Variants in TNR observed in about 807,000 individuals in gnomAD.
The protein encoded by TNR is tenascin R, also known as tenascin-R.
TNR carries 45 observed loss-of-function variants against 150.4 expected under a neutral mutation model. The observed-to-expected ratio is 0.30, with a 90% confidence interval of 0.24 to 0.38. The LOEUF (loss-of-function observed/expected upper bound fraction) is 0.38, where lower values mean the gene tolerates loss of function less well. Among genes scored for constraint, TNR ranks in the 10% least tolerant of loss-of-function variants. The pLI is 1.00. For missense variants in TNR, 1,544 were observed against 1,759.1 expected (o/e 0.88, Z 2.19); for synonymous variants, 687 against 678.4 (o/e 1.01, Z -0.20).
At chr1:175,709,987 GGGATTT>G (rs1197746243) in intron 1 of TNR, among the ~76,000 whole-genome samples, 3 of 152,064 alleles carry the variant, frequency 2.0e-5, no homozygotes, top group African/African-American at 4.8e-5. Flanking sequence ...AGCCACGTTA[GGGATTT>G]GGTAGATTAT....
chr1:175,404,354 G>C (rs770423939), intron 3 of TNR, among the ~76,000 whole-genome samples: 4 of 152,116 alleles, frequency 2.6e-5, no homozygotes, highest in Non-Finnish European at 5.9e-5. Context: ...TCAAAACCCA[G>C]CTCCATGGTT....
intron 2 of TNR, among the ~76,000 whole-genome samples, chr1:175,520,103 T>C (rs1334399159): frequency 6.6e-6 from 1 of 152,192 alleles, no homozygotes; most frequent in East Asian, 1.9e-4. Context: ...AAACATAAAG[T>C]AATCAAAAAG....
At chr1:175,405,376 T>C (rs1300091730) in intron 3 of TNR, among the ~76,000 whole-genome samples, 1 of 152,170 alleles carries the variant, frequency 6.6e-6, no homozygotes, top group Non-Finnish European at 1.5e-5. Context: ...ACTGCTTAGG[T>C]CATCAGCTAG....
chr1:175,457,899 T>C (rs750809100), intron 2 of TNR, among the ~76,000 whole-genome samples: 4 of 152,218 alleles, frequency 2.6e-5, no homozygotes, highest in Non-Finnish European at 4.4e-5. Flanking sequence ...AAAATTGATA[T>C]CATAAAAGCC....
intron 2 of TNR, among the ~76,000 whole-genome samples, chr1:175,510,754 T>A (rs1571542197): frequency 6.6e-6 from 1 of 152,142 alleles, no homozygotes; most frequent in East Asian, 1.9e-4. Context: ...AGGAGTTGGG[T>A]GCATTTATCT....
intron 2 of TNR, among the ~76,000 whole-genome samples, chr1:175,492,396 A>T (rs1304081184): frequency 2.0e-5 from 3 of 152,194 alleles, no homozygotes; most frequent in Non-Finnish European, 4.4e-5. Context: ...TTACAAAATG[A>T]TTTCTTCTGG....
At chr1:175,636,462 C>A (rs528262592) in intron 1 of TNR, among the ~76,000 whole-genome samples, 32 of 152,196 alleles carry the variant, frequency 2.1e-4, no homozygotes, top group African/African-American at 7.5e-4. Context: ...CCTGAGAAGC[C>A]CCTGACATCC....
intron 2 of TNR, among the ~76,000 whole-genome samples, chr1:175,440,776 C>A (rs899802539): frequency 6.6e-6 from 1 of 152,110 alleles, no homozygotes; most frequent in Non-Finnish European, 1.5e-5. Flanking sequence ...AGTCTGAGGA[C>A]TGAGAGCTGA....
intron 1 of TNR, among the ~76,000 whole-genome samples, chr1:175,592,072 G>A (rs1044570481): frequency 3.9e-5 from 6 of 152,140 alleles, no homozygotes; most frequent in Non-Finnish European, 8.8e-5. Flanking sequence ...GCATCATGTA[G>A]TGATCCTGAC....
intron 2 of TNR, among the ~76,000 whole-genome samples, chr1:175,455,596 G>T (rs1329106701): frequency 6.6e-6 from 1 of 152,198 alleles, no homozygotes; most frequent in Non-Finnish European, 1.5e-5. Context: ...GAGGATTTGG[G>T]ACTGTGGGAC....
At chr1:175,362,548 G>T in intron 14 of TNR, 115 bp downstream of exon 14, 1 of 1,327,058 alleles carries the variant, frequency 7.5e-7, no homozygotes, top group Non-Finnish European at 1.0e-6. Flanking sequence ...ACAGTGAGTT[G>T]GAGGAGCACC....
intron 1 of TNR, chr1:175,538,718 A>G (rs984483771): frequency 6.6e-6 from 1 of 152,168 alleles, no homozygotes. Context: ...TTGACTACCA[A>G]CGATACCCCT....
At chr1:175,514,487 G>C (rs983293123) in intron 2 of TNR, among the ~76,000 whole-genome samples, 2 of 152,200 alleles carry the variant, frequency 1.3e-5, no homozygotes, top group East Asian at 3.9e-4. Context: ...GTGGTCATCT[G>C]TTATGGCATC....
At chr1:175,336,357 C>T (rs930045407) in intron 19 of TNR, among the ~76,000 whole-genome samples, 2 of 152,192 alleles carry the variant, frequency 1.3e-5, no homozygotes, top group Admixed American at 6.5e-5. Flanking sequence ...GAAGGAGGCA[C>T]ACATATGTCA....
intron 2 of TNR, among the ~76,000 whole-genome samples, chr1:175,423,674 C>T (rs950828247): frequency 6.6e-6 from 1 of 152,240 alleles, no homozygotes; most frequent in South Asian, 2.1e-4. Context: ...CACCTGGATA[C>T]AGCAGCTGGA....
intron 1 of TNR, among the ~76,000 whole-genome samples, chr1:175,677,686 G>A (rs1355882797): frequency 2.0e-5 from 3 of 152,196 alleles, no homozygotes; most frequent in Non-Finnish European, 4.4e-5. Flanking sequence ...TGTGGCAATG[G>A]CAGGCTCAGG....
chr1:175,670,780 C>T (rs1030573235), intron 1 of TNR, among the ~76,000 whole-genome samples: 3 of 152,132 alleles, frequency 2.0e-5, no homozygotes, highest in African/African-American at 7.2e-5. Context: ...ACGGGAGGGT[C>T]GGATGGACCT....
In TNR at chr1:175,370,309, C is replaced by CACA. The variant is rs1459310694; in HGVS notation, c.1964-3015_1964-3013dup. On this transcript the variant is annotated intron_variant, in intron 9 of 22. Transcript: ENST00000367674. ...TAGTAGCTAGTATTTTATTACTTTG[C>CACA]ACAGAGAACTATTCCTGGATTTTGA... Among the ~76,000 whole-genome samples the CACA allele has an allele frequency of 6.7e-5, 9 of 133,666 alleles. No individual in the cohort carries two copies. In the South Asian group the frequency reaches 7.9e-4, roughly 12 times the overall value. 87.7% of individuals were successfully genotyped at this position (133,666 alleles called of 152,430 possible).
At chr1:175,331,078 C>CCTTCTTCT (rs1649823861) in intron 20 of TNR, among the ~76,000 whole-genome samples, 2 of 59,916 alleles carry the variant, frequency 3.3e-5, no homozygotes, top group African/African-American at 1.3e-4. Flanking sequence ...TCTTTCTTTC[C>CCTTCTTCT]TTCTTTCTTT....
Sources: gnomAD v4.1 joint callset for allele counts (sites outside exome capture counted in the v4.1 genomes callset) on GRCh38, gnomAD v4.1.1 for gene constraint, MANE v1.5 for transcripts, NCBI Gene and HGNC (gene_info 2026-07-23, HGNC 2026-07-21) for gene names.